FH: variants seen among roughly 807,000 people sequenced by gnomAD.
FH encodes the protein fumarate hydratase, mitochondrial.
FH carries 22 observed loss-of-function variants against 49.4 expected under a neutral mutation model. The ratio of observed to expected loss-of-function variants is 0.45; its 90% CI spans 0.32 to 0.64. The LOEUF is 0.64. FH is among the 30% of genes least tolerant of loss of function. FH has a pLI of 0.05. For missense variants in FH, 526 were observed against 641.5 expected (o/e 0.82, Z 1.95); for synonymous variants, 208 against 223.0 (o/e 0.93, Z 0.60).
At chr1:241,515,261 G>A (rs1343406624) in intron 2 of FH, among the ~76,000 whole-genome samples, 2 of 151,932 alleles carry the variant, frequency 1.3e-5, no homozygotes, top group Non-Finnish European at 2.9e-5. Flanking sequence ...CCTTTCACAG[G>A]TGTGCAATCC....
At chr1:241,516,552 T>G (rs972908972) in intron 2 of FH, among the ~76,000 whole-genome samples, 3 of 152,104 alleles carry the variant, frequency 2.0e-5, no homozygotes, top group African/African-American at 7.2e-5. Context: ...GGTTTTAATA[T>G]CTAGGTGATG....
intron 7 of FH, among the ~76,000 whole-genome samples, chr1:241,503,776 A>G (rs533403622): frequency 6.6e-6 from 1 of 152,386 alleles, no homozygotes; most frequent in Non-Finnish European, 1.5e-5. Flanking sequence ...CTTTTTATTC[A>G]ACCCGCGCTG....
chr1:241,519,472 G>A lies in FH; in HGVS notation c.132+119C>T, dbSNP rs924777546. 55 of 1,287,842 alleles carry A rather than the reference G, an allele frequency of 4.3e-5. No homozygotes were observed. In the African/African-American group the frequency reaches 7.4e-4, roughly 17 times the overall value. The allele number at this position is 1,287,842 out of a possible 1,614,324, so 79.8% of individuals were successfully genotyped here. A position where few individuals can be genotyped will look rare whatever the true frequency, so the allele number is the denominator to read the frequency against. ...CGCCGGCACGGGCGCTAAGCCCAGA[G>A]TCTGGCGCGGCCCGGACGCCCGGGG... On this transcript the variant is annotated intron_variant, in intron 1 of 9. Transcript: ENST00000366560.
intron 4 of FH, among the ~76,000 whole-genome samples, chr1:241,511,519 C>CA (rs986396549): frequency 2.0e-5 from 3 of 150,934 alleles, no homozygotes; most frequent in African/African-American, 7.3e-5. Flanking sequence ...TGAAAAAGAA[C>CA]ATGAGTGGAA....
intron 4 of FH, 149 bp from the exon 5 acceptor site, chr1:241,508,934 A>C: frequency 1.6e-6 from 1 of 644,012 alleles, no homozygotes; most frequent in Non-Finnish European, 2.7e-6. Flanking sequence ...GTCATAGGTG[A>C]GTTATTATAG....
At chr1:241,501,106 C>T (rs1488825045) in intron 8 of FH, among the ~76,000 whole-genome samples, 3 of 152,056 alleles carry the variant, frequency 2.0e-5, no homozygotes, top group South Asian at 2.1e-4. Flanking sequence ...TATGCTTTAA[C>T]GAATACTCCA....
chr1:241,501,576 A>G (rs979515500), intron 8 of FH, among the ~76,000 whole-genome samples: 4 of 152,208 alleles, frequency 2.6e-5, no homozygotes, highest in Admixed American at 2.6e-4. Flanking sequence ...TTATGCATCC[A>G]GTACAGTGCC....
chr1:241,515,988 A>G (rs1211975158), intron 2 of FH, among the ~76,000 whole-genome samples: 1 of 152,226 alleles, frequency 6.6e-6, no homozygotes, highest in Non-Finnish European at 1.5e-5. Flanking sequence ...TATCTATTAT[A>G]TGTCAGACAT....
chr1:241,508,170 G>A (rs896394868), intron 5 of FH, among the ~76,000 whole-genome samples: 4 of 152,132 alleles, frequency 2.6e-5, no homozygotes, highest in African/African-American at 9.7e-5. Flanking sequence ...CAGCGATGAC[G>A]GTGGTGATGA....
intron 7 of FH, 24 bp from the exon 8 acceptor site, chr1:241,502,594 G>C (rs1397753532): frequency 6.2e-7 from 1 of 1,613,144 alleles, no homozygotes; most frequent in Admixed American, 1.7e-5. Flanking sequence ...ACCAATGACA[G>C]AGTAAAGACT....
chr1:241,515,008 A>C (rs1426896658), intron 2 of FH, among the ~76,000 whole-genome samples: 1 of 152,224 alleles, frequency 6.6e-6, no homozygotes, highest in Non-Finnish European at 1.5e-5. Context: ...GGTCATTCAC[A>C]GCAGAAAGAG....
intron 4 of FH, among the ~76,000 whole-genome samples, chr1:241,511,138 G>A (rs1459364043): frequency 1.3e-5 from 2 of 152,106 alleles, no homozygotes; most frequent in African/African-American, 4.8e-5. Flanking sequence ...TAGGAGATGC[G>A]GCCTTTGCAA....
chr1:241,504,346 A>C, intron 6 of FH, 101 bp from the exon 7 acceptor site: 1 of 1,146,930 alleles, frequency 8.7e-7, no homozygotes, highest in South Asian at 1.4e-5. Context: ...CGAAAAAATA[A>C]AAATTTTACT....
rs998669949 is a variant in FH at position 241,519,446 on chromosome 1, ACGCCGGCACGGG to A, written c.132+133_132+144del. ...GCGTCCCGAGGCCGGGAGGCCCGCCACGCCGGCACGGGCGCTAAGCCCAGAGTCTGGCGCGGC... is the reference window on the plus strand; with the variant it reads ...GCGTCCCGAGGCCGGGAGGCCCGCCACGCTAAGCCCAGAGTCTGGCGCGGC... On this transcript the variant is annotated intron_variant, in intron 1 of 9. Coordinates refer to ENST00000366560, the MANE Select transcript of FH (RefSeq NM_000143.4). 1.6e-5 allele frequency: 16 copies of A among 1,027,760 alleles called. No individual in the cohort carries two copies. The Admixed American group carries it at 4.7e-4, about 30-fold the overall frequency. 63.7% of individuals were successfully genotyped at this position (1,027,760 alleles called of 1,614,324 possible). A position where few individuals can be genotyped will look rare whatever the true frequency, so the allele number is the denominator to read the frequency against.
At chr1:241,503,782 C>T (rs775441381) in intron 7 of FH, among the ~76,000 whole-genome samples, 40 of 152,222 alleles carry the variant, frequency 2.6e-4, no homozygotes, top group Admixed American at 1.9e-3. Flanking sequence ...ATTCAACCCG[C>T]GCTGATCACT....
At chr1:241,504,960 G>A (rs369739369) in intron 6 of FH, among the ~76,000 whole-genome samples, 43 of 150,492 alleles carry the variant, frequency 2.9e-4, no homozygotes, top group African/African-American at 1.0e-3. Flanking sequence ...CCAGGCTGGA[G>A]GGCAGTGGTA....
In FH at chr1:241,519,705, C is replaced by G; in HGVS notation, c.18G>C (p.Arg6=). MYRAL[R]LLARSRPLVR... is the part of the protein sequence containing the mutation. ...CGAGGGGACGCGAGCGCGCGAGGAG[C>G]CGAAGTGCTCGGTACATGGTGCTGA... The change falls in exon 1 of 10, where the codon CGG becomes CGC. Residue 6 remains arginine, a synonymous_variant. Coordinates refer to ENST00000366560, the MANE Select transcript of FH (RefSeq NM_000143.4). 6.5e-7 allele frequency: 1 copy of G among 1,546,684 alleles called. No individual in the cohort carries two copies. Among genetic ancestry groups the G allele is most frequent in the Admixed American group, 2.0e-5 (1 of 50,850 alleles).
In FH at chr1:241,519,682, A is replaced by AG. The variant is rs1060500900; in HGVS notation, c.40dup (p.Leu14ProfsTer42). 61 of 1,546,966 alleles carry AG rather than the reference A, an allele frequency of 3.9e-5. No individual in the cohort carries two copies. The highest frequency in any genetic ancestry group is 4.8e-5 in the Non-Finnish European group (55 of 1,146,014). The stretch of plus-strand genomic sequence containing the variant: ...TAAGGCTGCGGCTGGAGCCCGCACG[A>AG]GGGGACGCGAGCGCGCGAGGAGCCG... On this transcript the variant is annotated frameshift_variant, in exon 1 of 10. Coordinates refer to ENST00000366560, the MANE Select transcript of FH (RefSeq NM_000143.4). LOFTEE classifies it high-confidence loss of function.
At chr1:241,503,138 C>T (rs1415677892) in intron 7 of FH, among the ~76,000 whole-genome samples, 1 of 152,192 alleles carries the variant, frequency 6.6e-6, no homozygotes, top group Non-Finnish European at 1.5e-5. Flanking sequence ...CTGACCAGTA[C>T]AAGTTAACAC....
Sources: allele counts gnomAD v4.1 joint callset (sites outside exome capture counted in the v4.1 genomes callset), GRCh38; gene constraint gnomAD v4.1.1; transcripts MANE v1.5; gene names NCBI Gene and HGNC (gene_info 2026-07-23, HGNC 2026-07-21).